ADGRL2: variants seen among roughly 807,000 people sequenced by gnomAD.
ADGRL2 encodes the protein calcium-independent alpha-latrotoxin receptor 2.
A neutral mutation model predicts 157.4 loss-of-function variants in ADGRL2; 44 were observed. The ratio of observed to expected loss-of-function variants is 0.28; its 90% confidence interval spans 0.22 to 0.36. ADGRL2 has a LOEUF of 0.36. ADGRL2 is among the 10% of genes least tolerant of loss of function. The pLI, the probability that ADGRL2 is intolerant of heterozygous loss-of-function variation, is 1.00. For missense variants in ADGRL2, 1,510 were observed against 1,768.9 expected, an observed-to-expected ratio of 0.85 and a Z score of 2.63; for synonymous variants, 585 against 624.7, an observed-to-expected ratio of 0.94 and a Z score of 0.95.
At chr1:81,394,703 T>G (rs1040175491) in intron 1 of ADGRL2, among the ~76,000 whole-genome samples, 3 of 152,150 alleles carry the variant, frequency 2.0e-5, no homozygotes, top group Non-Finnish European at 4.4e-5. Context: ...AATATACTGA[T>G]TTCCTTTGTT....
At chr1:81,465,939 T>C (rs1218341986) in intron 2 of ADGRL2, among the ~76,000 whole-genome samples, 1 of 152,094 alleles carries the variant, frequency 6.6e-6, no homozygotes. Flanking sequence ...AAAATGAAAA[T>C]TTTAAAACAG....
chr1:81,309,157 G>A (rs1659557260), intron 1 of ADGRL2, among the ~76,000 whole-genome samples: 1 of 152,128 alleles, frequency 6.6e-6, no homozygotes, highest in African/African-American at 2.4e-5. Flanking sequence ...TGCGTCATCA[G>A]CAGACATTCA....
chr1:81,670,531 C>T (rs1345421811), intron 3 of ADGRL2, among the ~76,000 whole-genome samples: 1 of 152,104 alleles, frequency 6.6e-6, no homozygotes, highest in Non-Finnish European at 1.5e-5. Context: ...GAGCTCCCAG[C>T]AGTGCCACGC....
chr1:81,923,278 G>T (rs1028545415), intron 3 of ADGRL2, among the ~76,000 whole-genome samples: 17 of 152,132 alleles, frequency 1.1e-4, no homozygotes, highest in African/African-American at 4.1e-4. Context: ...TTTGATAAAA[G>T]GATTAGATTA....
At chr1:81,787,476 G>A (rs9726327) in intron 2 of ADGRL2, among the ~76,000 whole-genome samples, 1 of 151,964 alleles carries the variant, frequency 6.6e-6, no homozygotes, top group South Asian at 2.1e-4. Flanking sequence ...ACAGCATGGT[G>A]AAACCCTATC....
chr1:81,498,833 C>G (rs574461979), intron 2 of ADGRL2, among the ~76,000 whole-genome samples: 8 of 152,066 alleles, frequency 5.3e-5, no homozygotes, highest in African/African-American at 1.9e-4. Flanking sequence ...TGCGTTGAGC[C>G]AGACTTTATA....
chr1:81,330,758 G>C (rs1362053859), intron 1 of ADGRL2, among the ~76,000 whole-genome samples: 1 of 152,170 alleles, frequency 6.6e-6, no homozygotes, highest in South Asian at 2.1e-4. Context: ...CTGGAAAGAA[G>C]TGTTTCACAC....
intron 2 of ADGRL2, among the ~76,000 whole-genome samples, chr1:81,762,867 A>G (rs1390314561): frequency 6.6e-6 from 1 of 151,958 alleles, no homozygotes; most frequent in African/African-American, 2.4e-5. Context: ...CCTGGCTAAC[A>G]CGGTGAAACC....
At chr1:81,718,455 T>C (rs1038981136) in intron 1 of ADGRL2, among the ~76,000 whole-genome samples, 4 of 150,164 alleles carry the variant, frequency 2.7e-5, no homozygotes, top group Non-Finnish European at 5.9e-5. Context: ...TGTTAGAATG[T>C]AGCATTAAAA....
At chr1:81,319,946 T>A (rs1428836323) in intron 1 of ADGRL2, among the ~76,000 whole-genome samples, 1 of 152,208 alleles carries the variant, frequency 6.6e-6, no homozygotes, top group Non-Finnish European at 1.5e-5. Flanking sequence ...TTTCCTTTCA[T>A]GCAAGATTTC....
At position 81,388,659 on chromosome 1, in the gene ADGRL2, A is replaced by C. The variant is rs549658519; in HGVS notation, c.-301-56377A>C. Among the ~76,000 whole-genome samples, 4 of 152,306 alleles carry C rather than the reference A, an allele frequency of 2.6e-5. No individual in the cohort carries two copies. In the East Asian group the frequency reaches 7.7e-4, roughly 29 times the overall value. The stretch of plus-strand genomic sequence containing the variant: ...TTGCCCTTTCAACATGAGAGGGCAC[A>C]GATAGGAGTAAACGTGTATGAGGAA... On this transcript the variant is annotated intron_variant, in intron 1 of 24. Coordinates refer to the ADGRL2 transcript ENST00000370721.
chr1:81,917,687 T>C (rs1303496097), intron 3 of ADGRL2, among the ~76,000 whole-genome samples: 1 of 152,206 alleles, frequency 6.6e-6, no homozygotes, highest in East Asian at 1.9e-4. Context: ...ACATTACTCA[T>C]GGCTTTAAGA....
chr1:81,344,857 C>A (rs568671229), intron 1 of ADGRL2, among the ~76,000 whole-genome samples: 1 of 152,036 alleles, frequency 6.6e-6, no homozygotes, highest in African/African-American at 2.4e-5. Context: ...TTTGTTTTTT[C>A]ACTTTTGTGT....
At chr1:81,745,138 C>T (rs1234262249) in intron 1 of ADGRL2, among the ~76,000 whole-genome samples, 2 of 152,102 alleles carry the variant, frequency 1.3e-5, no homozygotes, top group Admixed American at 6.6e-5. Flanking sequence ...GGCATCCTTC[C>T]CTGGTAATCC....
intron 1 of ADGRL2, among the ~76,000 whole-genome samples, chr1:81,754,941 G>C (rs1379947408): frequency 6.6e-6 from 1 of 151,654 alleles, no homozygotes; most frequent in Non-Finnish European, 1.5e-5. Flanking sequence ...CTAATTGCTA[G>C]CCATTGTTAT....
At chr1:81,947,045 T>G (rs1328415331) in intron 6 of ADGRL2, among the ~76,000 whole-genome samples, 1 of 152,202 alleles carries the variant, frequency 6.6e-6, no homozygotes, top group African/African-American at 2.4e-5. Flanking sequence ...TAAGCATGTT[T>G]ATTAGCATCA....
At chr1:81,963,814 A>T (rs1656226232) in intron 11 of ADGRL2, among the ~76,000 whole-genome samples, 1 of 151,268 alleles carries the variant, frequency 6.6e-6, no homozygotes, top group Non-Finnish European at 1.5e-5. Context: ...AAAGTATCCT[A>T]TATTTTTTTG....
intron 1 of ADGRL2, among the ~76,000 whole-genome samples, chr1:81,349,013 A>G (rs748263412): frequency 1.1e-4 from 17 of 152,222 alleles, no homozygotes; most frequent in Non-Finnish European, 1.8e-4. Context: ...CAAGAGATTC[A>G]GTCACACTGA....
chr1:81,547,748 T>A (rs1449878962), intron 2 of ADGRL2, among the ~76,000 whole-genome samples: 1 of 152,216 alleles, frequency 6.6e-6, no homozygotes, highest in African/African-American at 2.4e-5. Flanking sequence ...TGTTCTAATC[T>A]TGGGAATTCC....
Sources: gnomAD v4.1 joint callset for allele counts (sites outside exome capture counted in the v4.1 genomes callset) on GRCh38, gnomAD v4.1.1 for gene constraint, MANE v1.5 for transcripts, NCBI Gene and HGNC (gene_info 2026-07-23, HGNC 2026-07-21) for gene names.